The following PIAS4 variants were observed in gnomAD, a reference collection of about 807,000 sequenced individuals.
The protein encoded by PIAS4 is E3 SUMO-protein ligase PIAS4.
In PIAS4, 7 loss-of-function variants were observed where a neutral mutation model predicts 58.0. That is an observed-to-expected ratio of 0.12 (90% CI 0.07 to 0.23). PIAS4 has a LOEUF of 0.23. Ranked by LOEUF, PIAS4 falls within the 10% of genes least tolerant of loss-of-function variation. The probability of loss-of-function intolerance (pLI) is 1.00; values close to 1 mark genes in which losing one functional copy is unlikely to be tolerated. For missense variants in PIAS4, 550 were observed against 709.5 expected (o/e 0.78, Z 2.55); for synonymous variants, 364 against 312.4 (o/e 1.17, Z -1.74).
intron 1 of PIAS4, among the ~76,000 whole-genome samples, chr19:4,009,476 C>T (rs1197704312): frequency 1.3e-5 from 2 of 152,114 alleles, no homozygotes; most frequent in Non-Finnish European, 2.9e-5. Context: ...AACCCCCACC[C>T]TGGCTGAGGG....
At position 4,037,794 on chromosome 19, in the gene PIAS4, G is replaced by C. The variant is rs372546036; in HGVS notation, c.1452G>C (p.Glu484Asp). 82 of 1,596,340 alleles carry C rather than the reference G, an allele frequency of 5.1e-5. No individual in the cohort carries two copies. The highest frequency in any genetic ancestry group is 3.3e-4 in the Middle Eastern group (2 of 6,034). ...CGGAGGATGAGGAGGAGGAGGAAGA[G>C]GAGGAGGAAGACGAGGACGAAGAGG... ...SSSEDEEEEEEEEEDEDEEGP... is the reference protein window; with the variant it reads ...SSSEDEEEEEDEEEDEDEEGP... The change falls in exon 11 of 11, where the codon GAG becomes GAC. Residue 484 changes from glutamate (E) to aspartate (D), a missense_variant. By Grantham distance (45) the Glu-to-Asp change is conservative. Transcript: ENST00000262971. The surrounding 1 kb of genome is among the most constrained non-coding windows in gnomAD (Gnocchi z 5.8).
intron 2 of PIAS4, among the ~76,000 whole-genome samples, chr19:4,016,037 C>G (rs1183425750): frequency 1.3e-5 from 2 of 152,220 alleles, no homozygotes; most frequent in Non-Finnish European, 2.9e-5. Context: ...CGCACAGCGG[C>G]CTGCCTTCCC....
rs769059788 is a variant in PIAS4, at chr19:4,028,773, C to A, written c.726C>A (p.Pro242=). ...TGGAGCCCAAGAGGCCGTGCCGCCCCATCAACCTCACCCACCTCATGTACC... is the reference window on the plus strand; with the variant it reads ...TGGAGCCCAAGAGGCCGTGCCGCCCAATCAACCTCACCCACCTCATGTACC... ...PGVEPKRPCR[P]INLTHLMYLS... The change falls in exon 6 of 11, where the codon CCC becomes CCA. Residue 242 remains proline (P), a synonymous_variant. Coordinates refer to ENST00000262971, the MANE Select transcript of PIAS4 (RefSeq NM_015897.4). 1.2e-6 allele frequency: 2 copies of A among 1,613,556 alleles called. No homozygotes were observed. Among genetic ancestry groups the A allele is most frequent in the Non-Finnish European group, 1.7e-6 (2 of 1,179,920 alleles).
chr19:4,011,444 C>T (rs552422431), intron 1 of PIAS4, among the ~76,000 whole-genome samples: 1 of 152,372 alleles, frequency 6.6e-6, no homozygotes, highest in Admixed American at 6.5e-5. Context: ...CAGTCTACCC[C>T]ACCTCAAACA....
chr19:4,015,125 CG>C (rs1268562561), intron 2 of PIAS4, among the ~76,000 whole-genome samples: 4 of 152,164 alleles, frequency 2.6e-5, no homozygotes, highest in Non-Finnish European at 4.4e-5. Flanking sequence ...TGAGTTCCAT[CG>C]GACTGACTTT....
chr19:4,010,629 G>C (rs970630191), intron 1 of PIAS4, among the ~76,000 whole-genome samples: 2 of 152,234 alleles, frequency 1.3e-5, no homozygotes, highest in Non-Finnish European at 2.9e-5. Context: ...CAGCAGACGG[G>C]AACACCCTTG....
At chr19:4,015,877 G>A (rs1451315531) in intron 2 of PIAS4, among the ~76,000 whole-genome samples, 4 of 152,256 alleles carry the variant, frequency 2.6e-5, no homozygotes, top group South Asian at 4.1e-4. Flanking sequence ...CATAAATCAC[G>A]CGGTGCGGAA....
intron 7 of PIAS4, among the ~76,000 whole-genome samples, chr19:4,030,445 C>A (rs2040212839): frequency 6.6e-6 from 1 of 151,908 alleles, no homozygotes; most frequent in Non-Finnish European, 1.5e-5. Flanking sequence ...TGGTGAAACC[C>A]CATCTCTACT....
chr19:4,020,972 G>A (rs1481077225), intron 2 of PIAS4, among the ~76,000 whole-genome samples: 1 of 152,124 alleles, frequency 6.6e-6, no homozygotes, highest in Non-Finnish European at 1.5e-5. Context: ...CTGATTCCTG[G>A]GTGATAGGGT....
chr19:4,029,560 T>C (rs1210613488), intron 7 of PIAS4, among the ~76,000 whole-genome samples: 1 of 151,804 alleles, frequency 6.6e-6, no homozygotes, highest in Non-Finnish European at 1.5e-5. Context: ...TCTTTTTCTT[T>C]TTTTTTTAGA....
At chr19:4,026,000 G>A (rs2040159858) in intron 3 of PIAS4, among the ~76,000 whole-genome samples, 2 of 148,868 alleles carry the variant, frequency 1.3e-5, no homozygotes, top group Admixed American at 1.3e-4. Context: ...CGTGAACCCG[G>A]GAGGCGGAGC....
chr19:4,035,855 TAC>T lies in PIAS4; in HGVS notation c.1143-1517_1143-1516del, dbSNP rs2040271279. Among the ~76,000 whole-genome samples the T allele has an allele frequency of 5.4e-5, 6 of 111,324 alleles. No homozygotes were observed. The South Asian group carries it at 1.5e-3, about 27-fold the overall frequency. 73.0% of individuals were successfully genotyped at this position (111,324 alleles called of 152,430 possible). On this transcript the variant is annotated intron_variant, in intron 9 of 10. Transcript: ENST00000262971. Reference sequence around the variant, plus strand: ...TCACACACACACCCGCACACATCCATACAGTCCACACCGTCTCACACACACAC... The same window carrying T: ...TCACACACACACCCGCACACATCCATAGTCCACACCGTCTCACACACACAC...
Position 4,038,407 on chromosome 19 carries a change from T to G in PIAS4, c.*532T>G, listed in dbSNP as rs1226079794. On this transcript the variant is annotated 3_prime_UTR_variant, in exon 11 of 11. Transcript: ENST00000262971. The surrounding 1 kb of genome is among the most constrained non-coding windows in gnomAD (Gnocchi z 4.1). ...CCTCACGCGCCGAGCAGCGAGCGTT[T>G]TAGCCGAGAAGCCATGGAGTGGGTT... is the stretch of plus-strand genomic sequence containing the variant. The G allele has an allele frequency of 6.7e-6, 1 of 150,212 alleles. No homozygotes were observed. The highest frequency in any genetic ancestry group is 1.5e-5 in the Non-Finnish European group (1 of 67,686). 9.3% of individuals were successfully genotyped at this position (150,212 alleles called of 1,614,324 possible).
rs574957494 is a variant in PIAS4, at chr19:4,037,879, C to T, written c.*4C>T. The T allele has an allele frequency of 1.3e-5, 20 of 1,566,204 alleles. No individual in the cohort carries two copies. The highest frequency in any genetic ancestry group is 6.7e-5 in the African/African-American group (5 of 74,284). On this transcript the variant is annotated 3_prime_UTR_variant, in exon 11 of 11. Transcript: ENST00000262971. The surrounding 1 kb of genome is among the most constrained non-coding windows in gnomAD (Gnocchi z 5.8). ...GGGCCTGGTGCCGGCCTGCTGACCCCGGCCGCACACTCGACTTTCCTGGTG... is the reference window on the plus strand; with the variant it reads ...GGGCCTGGTGCCGGCCTGCTGACCCTGGCCGCACACTCGACTTTCCTGGTG...
Position 4,037,689 on chromosome 19 carries a change from C to G in PIAS4, c.1347C>G (p.Gly449=), listed in dbSNP as rs775406478. 6.2e-6 allele frequency: 10 copies of G among 1,611,714 alleles called. No homozygotes were observed. In the Admixed American group the frequency reaches 8.3e-5, roughly 13 times the overall value. Residue 449 remains glycine, a synonymous_variant, in exon 11 of 11, where the codon GGC becomes GGG. Coordinates refer to ENST00000262971, the MANE Select transcript of PIAS4 (RefSeq NM_015897.4). This position sits in a 1 kb window ranked among gnomAD's most constrained non-coding sequence, Gnocchi z 5.8. The part of the protein sequence containing the change: ...NGSGALGSTG[G]GGPVGSMENG... Reference sequence around the variant, plus strand: ...GCGGTGCCCTGGGCAGCACGGGTGGCGGCGGCCCGGTGGGCAGCATGGAGA... The same window carrying G: ...GCGGTGCCCTGGGCAGCACGGGTGGGGGCGGCCCGGTGGGCAGCATGGAGA...
At chr19:4,036,784 A>T (rs915496681) in intron 9 of PIAS4, among the ~76,000 whole-genome samples, 4 of 148,992 alleles carry the variant, frequency 2.7e-5, no homozygotes, top group African/African-American at 9.8e-5. Context: ...ACACACACAC[A>T]CACATCTATA....
intron 7 of PIAS4, among the ~76,000 whole-genome samples, chr19:4,029,405 T>G (rs899094437): frequency 6.6e-6 from 1 of 152,090 alleles, no homozygotes; most frequent in Non-Finnish European, 1.5e-5. Context: ...CAGCCCCTTC[T>G]CGTTGCCTCA....
At position 4,029,980 on chromosome 19, in the gene PIAS4, G is replaced by T. The variant is rs188094068; in HGVS notation, c.907+944G>T. On this transcript the variant is annotated intron_variant, in intron 7 of 10. Transcript: ENST00000262971. Reference sequence around the variant, plus strand: ...TGGGACTACAGGCATGTGCCACCATGCCCGGCTAATTTTTTGTATTTTCAG... The same window carrying T: ...TGGGACTACAGGCATGTGCCACCATTCCCGGCTAATTTTTTGTATTTTCAG... Among the ~76,000 whole-genome samples the T allele has an allele frequency of 9.5e-4, 145 of 151,964 alleles. 1 individual carries two copies. Among genetic ancestry groups the T allele is most frequent in the Admixed American group, 2.8e-3 (43 of 15,274 alleles).
intron 9 of PIAS4, among the ~76,000 whole-genome samples, chr19:4,035,304 G>T (rs945251531): frequency 6.6e-6 from 1 of 152,150 alleles, no homozygotes; most frequent in African/African-American, 2.4e-5. Flanking sequence ...CCTGGGCCCT[G>T]CATGGACCCG....
Sources: allele counts gnomAD v4.1 joint callset (sites outside exome capture counted in the v4.1 genomes callset), GRCh38; gene constraint gnomAD v4.1.1; non-coding constraint Gnocchi (gnomAD v3.1); transcripts MANE v1.5; gene names NCBI Gene and HGNC (gene_info 2026-07-23, HGNC 2026-07-21).